The following LARGE1 variants were observed in gnomAD, a reference collection of about 807,000 sequenced individuals.
LARGE1 encodes LARGE xylosyl- and glucuronyltransferase 1.
In LARGE1, 43 loss-of-function variants were observed where a neutral mutation model predicts 87.6. The ratio of observed to expected loss-of-function variants is 0.49; its 90% CI spans 0.38 to 0.63. The LOEUF (loss-of-function observed/expected upper bound fraction) is 0.63. Ranked by LOEUF, LARGE1 falls within the 30% of genes least tolerant of loss-of-function variation. The pLI, the probability that LARGE1 is intolerant of heterozygous loss-of-function variation, is 0.00. For synonymous variants in LARGE1, 434 were observed against 394.6 expected (o/e 1.10, Z -1.18); for missense variants, 802 against 1,000.2 (o/e 0.80, Z 2.67).
chr22:33,122,908 G>A, the LARGE1 span, among the ~76,000 whole-genome samples: 1 of 152,180 alleles, frequency 6.6e-6, no homozygotes, highest in Non-Finnish European at 1.5e-5. Flanking sequence ...GCTGATACGG[G>A]ACCCTACTGC....
chr22:33,576,276 G>C (rs2078349662), intron 5 of LARGE1, among the ~76,000 whole-genome samples: 1 of 152,140 alleles, frequency 6.6e-6, no homozygotes, highest in African/African-American at 2.4e-5. Flanking sequence ...GCTTCTGATG[G>C]GGATATACTG....
chr22:33,820,070 C>G (rs979888473), intron 1 of LARGE1, among the ~76,000 whole-genome samples: 27 of 152,124 alleles, frequency 1.8e-4, no homozygotes, highest in African/African-American at 5.8e-4. Flanking sequence ...TTTCACTCAC[C>G]CCACATAGTT....
chr22:33,733,694 C>T (rs2083550744), intron 2 of LARGE1: 1 of 152,172 alleles, frequency 6.6e-6, no homozygotes. Context: ...AGGTAAATCA[C>T]TAGTTGTTGG....
intron 3 of LARGE1, among the ~76,000 whole-genome samples, chr22:33,635,636 A>G (rs1245710729): frequency 6.6e-6 from 1 of 152,204 alleles, no homozygotes; most frequent in African/African-American, 2.4e-5. Flanking sequence ...AGAGTGGTTA[A>G]GTAACTTGCC....
intron 1 of LARGE1, among the ~76,000 whole-genome samples, chr22:33,908,145 C>T (rs1295587274): frequency 1.3e-5 from 2 of 152,160 alleles, no homozygotes. Context: ...TTATGCCTGG[C>T]CAGCAAATTC....
At chr22:33,622,346 T>A (rs2079781422) in intron 4 of LARGE1, among the ~76,000 whole-genome samples, 1 of 152,174 alleles carries the variant, frequency 6.6e-6, no homozygotes, top group African/African-American at 2.4e-5. Flanking sequence ...CCTGCCATCT[T>A]GTGAAGAAGA....
At chr22:33,853,977 T>TA (rs1278693199) in intron 1 of LARGE1, among the ~76,000 whole-genome samples, 1 of 152,034 alleles carries the variant, frequency 6.6e-6, no homozygotes, top group Non-Finnish European at 1.5e-5. Flanking sequence ...ACTGAGTCCC[T>TA]ACTGGGCAGG....
chr22:33,392,253 C>T (rs1348761636), intron 7 of LARGE1, among the ~76,000 whole-genome samples: 1 of 151,666 alleles, frequency 6.6e-6, no homozygotes, highest in African/African-American at 2.4e-5. Context: ...GATATCACTG[C>T]TTAATATCAA....
chr22:33,430,852 T>C (rs2067054494), intron 7 of LARGE1, among the ~76,000 whole-genome samples: 3 of 152,200 alleles, frequency 2.0e-5, no homozygotes, highest in South Asian at 2.1e-4. Flanking sequence ...TTGACTTTTC[T>C]GGAGTCTGAC....
chr22:33,253,261 A>G (rs2145723275), intron 11 of LARGE1, among the ~76,000 whole-genome samples: 2 of 152,356 alleles, frequency 1.3e-5, no homozygotes, highest in South Asian at 4.1e-4. Flanking sequence ...AACAATTATA[A>G]TCATATCATA....
At chr22:33,708,964 T>C (rs895744860) in intron 2 of LARGE1, among the ~76,000 whole-genome samples, 1 of 152,154 alleles carries the variant, frequency 6.6e-6, no homozygotes, top group Non-Finnish European at 1.5e-5. Flanking sequence ...AGTGTCTTCA[T>C]GGGGTCTTTC....
intron 1 of LARGE1, among the ~76,000 whole-genome samples, chr22:33,786,549 CCT>C (rs1352423888): frequency 2.6e-5 from 4 of 152,080 alleles, no homozygotes; most frequent in Admixed American, 1.3e-4. Context: ...AGGTTGGGGA[CCT>C]CTCTCTCTCC....
chr22:33,541,727 C>T (rs1010246811), intron 6 of LARGE1, among the ~76,000 whole-genome samples: 9 of 142,608 alleles, frequency 6.3e-5, no homozygotes, highest in African/African-American at 2.3e-4. Flanking sequence ...ACAAGGAAAA[C>T]ACATTTTCTT....
intron 1 of LARGE1, among the ~76,000 whole-genome samples, chr22:33,841,231 T>C (rs547567156): frequency 6.8e-6 from 1 of 147,646 alleles, no homozygotes; most frequent in East Asian, 1.9e-4. Flanking sequence ...GTTACTCTCA[T>C]TTTTTTTTCC....
intron 1 of LARGE1, among the ~76,000 whole-genome samples, chr22:33,897,938 T>C (rs965852271): frequency 6.6e-6 from 1 of 152,206 alleles, no homozygotes; most frequent in Non-Finnish European, 1.5e-5. Context: ...ATTTGTTTTA[T>C]GATTTGCTTG....
intron 2 of LARGE1, among the ~76,000 whole-genome samples, chr22:33,760,550 C>T (rs2084687493): frequency 6.6e-6 from 1 of 152,198 alleles, no homozygotes; most frequent in Non-Finnish European, 1.5e-5. Flanking sequence ...GCCTATCTGT[C>T]TCCTCCGCTA....
At chr22:33,864,794 A>G (rs1372039149) in intron 1 of LARGE1, among the ~76,000 whole-genome samples, 1 of 152,102 alleles carries the variant, frequency 6.6e-6, no homozygotes, top group Non-Finnish European at 1.5e-5. Context: ...TCCTCTTCCT[A>G]CTTTCAGAAT....
chr22:33,146,480 G>T, the LARGE1 span, among the ~76,000 whole-genome samples: 2 of 152,058 alleles, frequency 1.3e-5, no homozygotes, highest in South Asian at 4.2e-4. Context: ...GTGCTTTCAG[G>T]GTTCATATTT....
intron 1 of LARGE1, among the ~76,000 whole-genome samples, chr22:33,816,329 C>T (rs1172803252): frequency 6.6e-6 from 1 of 151,600 alleles, no homozygotes; most frequent in East Asian, 1.9e-4. Context: ...TTATAAACAA[C>T]AGGCATTTAT....
Sources: gnomAD v4.1 joint callset for allele counts (sites outside exome capture counted in the v4.1 genomes callset) on GRCh38, gnomAD v4.1.1 for gene constraint, MANE v1.5 for transcripts, NCBI Gene and HGNC (gene_info 2026-07-23, HGNC 2026-07-21) for gene names.